The following ADIPOR2 variants were observed in gnomAD, a reference collection of about 807,000 sequenced individuals.
The protein encoded by ADIPOR2 is adiponectin receptor protein 2.
ADIPOR2 carries 18 observed loss-of-function variants against 40.9 expected under a neutral mutation model. The observed-to-expected ratio is 0.44, with a 90% CI of 0.30 to 0.65. The LOEUF is 0.65. Among genes scored for constraint, ADIPOR2 ranks in the 30% least tolerant of loss-of-function variants. The pLI, the probability that ADIPOR2 is intolerant of heterozygous loss-of-function variation, is 0.09. For missense variants in ADIPOR2, 283 were observed against 479.2 expected, an observed-to-expected ratio of 0.59 and a Z score of 3.82; for synonymous variants, 165 against 166.4, an observed-to-expected ratio of 0.99 and a Z score of 0.06.
intron 1 of ADIPOR2, among the ~76,000 whole-genome samples, chr12:1,744,113 A>T (rs1451381845): frequency 2.4e-4 from 34 of 143,126 alleles, no homozygotes; most frequent in African/African-American, 7.4e-4. Flanking sequence ...TTTTTTCTGT[A>T]TTTTTTTTTT....
rs1258766726 is a variant in ADIPOR2 at position 1,693,563 on chromosome 12, C to T, written c.-87+2372C>T. On this transcript the variant is annotated intron_variant, in intron 1 of 7. Coordinates refer to ENST00000357103, the MANE Select transcript of ADIPOR2 (RefSeq NM_024551.3). ...CATTTTGTTTTTTGAGACGGAGTTT[C>T]GTTCTTGTTGCCCAGGCTGGAGTGC... Among the ~76,000 whole-genome samples the T allele has an allele frequency of 1.3e-4, 19 of 142,832 alleles. No homozygotes were observed. In the South Asian group the frequency reaches 3.5e-3, roughly 26 times the overall value. 93.7% of individuals were successfully genotyped at this position (142,832 alleles called of 152,430 possible).
intron 1 of ADIPOR2, among the ~76,000 whole-genome samples, chr12:1,693,368 A>C (rs1398780241): frequency 6.6e-6 from 1 of 152,192 alleles, no homozygotes; most frequent in African/African-American, 2.4e-5. Flanking sequence ...GTCAATGTTG[A>C]AAATTTAAAT....
At chr12:1,762,765 A>G (rs1039958040) in intron 2 of ADIPOR2, among the ~76,000 whole-genome samples, 3 of 152,222 alleles carry the variant, frequency 2.0e-5, no homozygotes, top group African/African-American at 7.2e-5. Context: ...AATCTGTTTT[A>G]CAGATGAGGA....
At chr12:1,784,165 A>C (rs1166655694) in intron 7 of ADIPOR2, 92 bp downstream of exon 7, 3 of 1,356,692 alleles carry the variant, frequency 2.2e-6, no homozygotes, top group East Asian at 5.0e-5. Context: ...TTTTAGACAC[A>C]AAGTCAGGAG....
At chr12:1,754,581 G>A in intron 2 of ADIPOR2, 67 bp downstream of exon 2, 1 of 1,459,502 alleles carries the variant, frequency 6.9e-7, no homozygotes, top group Non-Finnish European at 9.1e-7. Flanking sequence ...GGGAGGATAT[G>A]GGGAAAAAAA....
chr12:1,720,207 G>T (rs561429778), intron 1 of ADIPOR2, among the ~76,000 whole-genome samples: 36 of 152,242 alleles, frequency 2.4e-4, no homozygotes, highest in Non-Finnish European at 5.0e-4. Context: ...ACTTATTTTT[G>T]ATGTGTGAAT....
intron 1 of ADIPOR2, among the ~76,000 whole-genome samples, chr12:1,704,231 C>T (rs1454600833): frequency 6.6e-6 from 1 of 151,880 alleles, no homozygotes; most frequent in African/African-American, 2.4e-5. Flanking sequence ...TCTTTTTGTC[C>T]TTCACCAGGC....
chr12:1,786,466 C>T lies in ADIPOR2; in HGVS notation c.*394C>T, dbSNP rs566339084. ...CTCTCTCTATGACAATAATACAAAC[C>T]AATTTAAGTGAACATTTATATCCGA... On this transcript the variant is annotated 3_prime_UTR_variant, in exon 8 of 8. Transcript: ENST00000357103. 6.0e-6 allele frequency: 1 copy of T among 167,898 alleles called. No homozygotes were observed. The highest frequency in any genetic ancestry group is 2.4e-5 in the African/African-American group (1 of 42,014). 10.4% of individuals were successfully genotyped at this position (167,898 alleles called of 1,614,324 possible). A position where few individuals can be genotyped will look rare whatever the true frequency, so the allele number is the denominator to read the frequency against.
intron 1 of ADIPOR2, among the ~76,000 whole-genome samples, chr12:1,702,428 A>C (rs1380673592): frequency 6.6e-6 from 1 of 152,056 alleles, no homozygotes; most frequent in Non-Finnish European, 1.5e-5. Context: ...GAGTATGAGA[A>C]TTTGCCATCT....
chr12:1,701,415 C>G (rs2094650008), intron 1 of ADIPOR2, among the ~76,000 whole-genome samples: 1 of 152,158 alleles, frequency 6.6e-6, no homozygotes, highest in Admixed American at 6.5e-5. Context: ...AGCCACCACT[C>G]CTGGCCTGAT....
chr12:1,757,388 A>G, intron 2 of ADIPOR2: 1 of 721,012 alleles, frequency 1.4e-6, no homozygotes, highest in South Asian at 1.6e-5. Context: ...TTCCATTGGC[A>G]TCTTTCATGT....
In ADIPOR2 at chr12:1,693,570, G is replaced by A. The variant is rs11061922; in HGVS notation, c.-87+2379G>A. 2.1e-5 allele frequency among the ~76,000 whole-genome samples: 3 copies of A among 141,146 alleles called. No homozygotes were observed. The East Asian group carries it at 6.2e-4, about 29-fold the overall frequency. The allele number at this position is 141,146 out of a possible 152,430, so 92.6% of individuals were successfully genotyped here. A position where few individuals can be genotyped will look rare whatever the true frequency, so the allele number is the denominator to read the frequency against. ...TTTTTTGAGACGGAGTTTCGTTCTT[G>A]TTGCCCAGGCTGGAGTGCAATGGCA... On this transcript the variant is annotated intron_variant, in intron 1 of 7. Coordinates refer to ENST00000357103, the MANE Select transcript of ADIPOR2 (RefSeq NM_024551.3).
At position 1,768,709 on chromosome 12, in the gene ADIPOR2, C is replaced by A. The variant is rs577380494; in HGVS notation, c.172-4133C>A. ...TGTCTTTCCAAAGGTAAAGTGTACT[C>A]TGGAAAATTCTCATTTTAGATTGCA... is the stretch of plus-strand genomic sequence containing the variant. On this transcript the variant is annotated intron_variant, in intron 2 of 7. Coordinates refer to ENST00000357103, the MANE Select transcript of ADIPOR2 (RefSeq NM_024551.3). Among the ~76,000 whole-genome samples, 20 of 152,202 alleles carry A rather than the reference C, an allele frequency of 1.3e-4. No homozygotes were observed. The South Asian group carries it at 4.1e-3, about 32-fold the overall frequency.
intron 1 of ADIPOR2, among the ~76,000 whole-genome samples, chr12:1,718,033 A>G (rs2094691060): frequency 6.6e-6 from 1 of 152,214 alleles, no homozygotes; most frequent in Non-Finnish European, 1.5e-5. Flanking sequence ...GTAAATTTTT[A>G]AAAATCTTCA....
intron 1 of ADIPOR2, among the ~76,000 whole-genome samples, chr12:1,692,896 G>C (rs553797279): frequency 1.2e-4 from 19 of 152,172 alleles, no homozygotes; most frequent in African/African-American, 4.1e-4. Flanking sequence ...CGCTCACGCT[G>C]GTAATCCCAG....
intron 1 of ADIPOR2, among the ~76,000 whole-genome samples, chr12:1,729,614 GTTGTTTTTTTT>G (rs1418412679): frequency 3.1e-5 from 2 of 64,218 alleles, no homozygotes; most frequent in Non-Finnish European, 5.5e-5. Flanking sequence ...AGCTCAGCCA[GTTGTTTTTTTT>G]TTTTTTTTTT....
intron 4 of ADIPOR2, among the ~76,000 whole-genome samples, chr12:1,779,036 A>G (rs1862658076): frequency 6.6e-6 from 1 of 152,196 alleles, no homozygotes; most frequent in Non-Finnish European, 1.5e-5. Flanking sequence ...GAAAAATAAC[A>G]AGTCTTGGCA....
At chr12:1,729,617 GTTTTTTTTTTTTTTT>G (rs56921758) in intron 1 of ADIPOR2, among the ~76,000 whole-genome samples, 2 of 88,986 alleles carry the variant, frequency 2.2e-5, no homozygotes, top group Non-Finnish European at 4.4e-5. Context: ...TCAGCCAGTT[GTTTTTTTTTTTTTTT>G]TTTTTTTTTG....
intron 1 of ADIPOR2, among the ~76,000 whole-genome samples, chr12:1,748,340 C>T (rs2094760752): frequency 1.3e-5 from 2 of 152,240 alleles, no homozygotes; most frequent in South Asian, 4.1e-4. Context: ...ACTCCGCCTC[C>T]CGGGTTCACG....
Sources: gnomAD v4.1 joint callset for allele counts (sites outside exome capture counted in the v4.1 genomes callset) on GRCh38, gnomAD v4.1.1 for gene constraint, MANE v1.5 for transcripts, NCBI Gene and HGNC (gene_info 2026-07-23, HGNC 2026-07-21) for gene names.